Variants in DRC7 observed in about 807,000 individuals in gnomAD.
DRC7 encodes dynein regulatory complex subunit 7.
A neutral mutation model predicts 104.4 loss-of-function variants in DRC7; 80 were observed. The observed-to-expected ratio is 0.77, with a 90% CI of 0.64 to 0.92. DRC7 has a LOEUF of 0.92. DRC7 is among the 40% of genes least tolerant of loss of function. The probability of loss-of-function intolerance (pLI) is 0.00; values close to 1 mark genes in which losing one functional copy is unlikely to be tolerated. For missense variants in DRC7, 1,034 were observed against 1,141.1 expected (o/e 0.91, Z 1.35); for synonymous variants, 405 against 447.3 (o/e 0.91, Z 1.19).
chr16:57,705,757 C>CCCATCCCTCCTCCCCT, intron 7 of DRC7, among the ~76,000 whole-genome samples: 1 of 56,018 alleles, frequency 1.8e-5, no homozygotes, highest in African/African-American at 1.1e-4. Context: ...GATCTCTCCT[C>CCCATCCCTCCTCCCCT]CCATCCATCC....
chr16:57,705,566 A>C (rs1305682767), intron 7 of DRC7, among the ~76,000 whole-genome samples: 26 of 68,494 alleles, frequency 3.8e-4, no homozygotes, highest in Admixed American at 6.6e-4. Context: ...CCTCCCACCC[A>C]CCTCCCATCC....
chr16:57,716,635 C>T (rs950933058), intron 8 of DRC7, among the ~76,000 whole-genome samples: 3 of 152,098 alleles, frequency 2.0e-5, no homozygotes, highest in Admixed American at 1.3e-4. Context: ...CTCTGCTGTG[C>T]CCCCCACTTC....
Position 57,705,050 on chromosome 16 carries a change from T to C in DRC7, c.858+16T>C. On this transcript the variant is annotated intron_variant, in intron 7 of 18. Transcript: ENST00000360716. ...GCGCCTCATGGTGGGTCCTCAGCCCTGAATCCCCTGGGCTCAGCTATCGAG... is the reference window on the plus strand; with the variant it reads ...GCGCCTCATGGTGGGTCCTCAGCCCCGAATCCCCTGGGCTCAGCTATCGAG... 2 of 1,608,786 alleles carry C rather than the reference T, an allele frequency of 1.2e-6. No homozygotes were observed. Among genetic ancestry groups the C allele is most frequent in the South Asian group, 1.1e-5 (1 of 90,728 alleles).
At chr16:57,718,741 T>C (rs1310100480) in intron 9 of DRC7, among the ~76,000 whole-genome samples, 1 of 152,134 alleles carries the variant, frequency 6.6e-6, no homozygotes, top group Non-Finnish European at 1.5e-5. Flanking sequence ...CCCCATATCG[T>C]CCACCTTGTT....
chr16:57,705,196 C>T (rs1421721261), intron 7 of DRC7, among the ~76,000 whole-genome samples, 162 bp downstream of exon 7: 1 of 152,058 alleles, frequency 6.6e-6, no homozygotes, highest in Admixed American at 6.6e-5. Context: ...AGGAATCTCC[C>T]ACTGGTGGTC....
At chr16:57,727,962 CCT>C (rs1416819188) in intron 16 of DRC7, among the ~76,000 whole-genome samples, 27 of 152,270 alleles carry the variant, frequency 1.8e-4, no homozygotes, top group Middle Eastern at 3.4e-3. Flanking sequence ...TTCACTGCCC[CCT>C]GTCTGCAGAT....
At chr16:57,708,583 T>C (rs962575043) in intron 8 of DRC7, among the ~76,000 whole-genome samples, 1 of 152,236 alleles carries the variant, frequency 6.6e-6, no homozygotes, top group African/African-American at 2.4e-5. Context: ...TATATTTCAG[T>C]GAACACATAC....
rs1387949769 is a variant in DRC7, at chr16:57,724,724, A to G, written c.1647A>G (p.Thr549=). 1 of 1,613,936 alleles carries G rather than the reference A, an allele frequency of 6.2e-7. No homozygotes were observed. Among genetic ancestry groups the G allele is most frequent in the Non-Finnish European group, 8.5e-7 (1 of 1,180,012 alleles). Residue 549 remains threonine (T), a synonymous_variant, in exon 13 of 19, where the codon ACA becomes ACG. Transcript: ENST00000360716. The stretch of plus-strand genomic sequence containing the variant: ...GGGAGGAGACACCCAGGACAATGAC[A>G]GAGTACTATCAAGGACGCCCAGACT... ...MKREETPRTM[T]EYYQGRPDFL...
intron 7 of DRC7, among the ~76,000 whole-genome samples, chr16:57,705,852 A>C (rs1597797352): frequency 9.0e-6 from 1 of 111,542 alleles, no homozygotes; most frequent in Non-Finnish European, 1.8e-5. Flanking sequence ...CCATCTATCC[A>C]CCCTCCTACC....
rs368993624 is a variant in DRC7, at chr16:57,705,025, G to C, written c.849G>C (p.Glu283Asp). Residue 283 changes from glutamate (E) to aspartate (D), a missense_variant, in exon 7 of 19, where the codon GAG (glutamate) becomes GAC (aspartate). By Grantham distance (45) the Glu-to-Asp change is conservative. Transcript: ENST00000360716. ...QEKKRLREEE[E>D]RLMEAEKAKP... ...AGAAGCGGCTGAGGGAGGAGGAGGA[G>C]CGCCTCATGGTGGGTCCTCAGCCCT... 14 of 1,611,890 alleles carry C rather than the reference G, an allele frequency of 8.7e-6. No homozygotes were observed. In the African/African-American group the frequency reaches 1.7e-4, roughly 20 times the overall value.
intron 8 of DRC7, among the ~76,000 whole-genome samples, chr16:57,716,906 G>A (rs1187321175): frequency 6.6e-6 from 1 of 152,100 alleles, no homozygotes; most frequent in African/African-American, 2.4e-5. Context: ...CACTTTTATT[G>A]AGGGGACTGA....
intron 17 of DRC7, among the ~76,000 whole-genome samples, chr16:57,729,245 A>G (rs1161593981): frequency 4.3e-4 from 37 of 85,796 alleles, no homozygotes; most frequent in African/African-American, 7.1e-4. Flanking sequence ...TGGATAGATG[A>G]GTGGGTGGGT....
At position 57,724,734 on chromosome 16, in the gene DRC7, C is replaced by T. The variant is rs1597810588; in HGVS notation, c.1657C>T (p.Gln553Ter). The change falls in exon 13 of 19, where the codon CAA becomes TAA. Residue 553 changes from glutamine (Q) to a stop codon, truncating the protein, a stop_gained. Transcript: ENST00000360716. LOFTEE classifies it high-confidence loss of function. ...ETPRTMTEYY[Q>*]GRPDFLSYRH... is the part of the protein sequence containing the mutation. ...ACCCAGGACAATGACAGAGTACTATCAAGGACGCCCAGACTTCCTCTCCTA... is the reference window on the plus strand; with the variant it reads ...ACCCAGGACAATGACAGAGTACTATTAAGGACGCCCAGACTTCCTCTCCTA... 6.2e-7 allele frequency: 1 copy of T among 1,613,906 alleles called. No homozygotes were observed. Among genetic ancestry groups the T allele is most frequent in the South Asian group, 1.1e-5 (1 of 91,078 alleles).
intron 5 of DRC7, 79 bp downstream of exon 5, chr16:57,700,349 C>G (rs2148731396): frequency 2.6e-6 from 4 of 1,526,178 alleles, no homozygotes; most frequent in Middle Eastern, 1.8e-4. Flanking sequence ...CCATCCAAAC[C>G]CAAAGAATGG....
intron 8 of DRC7, chr16:57,714,055 T>C: frequency 4.6e-6 from 1 of 217,128 alleles, no homozygotes; most frequent in South Asian, 6.7e-5. Context: ...GAAAGCTGTC[T>C]CATCTTCCTT....
At chr16:57,706,399 C>A (rs1487046664) in intron 7 of DRC7, among the ~76,000 whole-genome samples, 1 of 145,636 alleles carries the variant, frequency 6.9e-6, no homozygotes, top group African/African-American at 2.6e-5. Context: ...ACCCACTGTT[C>A]TCCCATCCAT....
intron 6 of DRC7, among the ~76,000 whole-genome samples, chr16:57,704,007 C>T (rs983091922): frequency 5.3e-5 from 8 of 150,532 alleles, no homozygotes; most frequent in Admixed American, 4.0e-4. Flanking sequence ...GAGCTCCCAC[C>T]CGGGCATCTC....
intron 4 of DRC7, 107 bp downstream of exon 4, chr16:57,699,131 C>G: frequency 1.5e-6 from 2 of 1,336,856 alleles, no homozygotes; most frequent in Non-Finnish European, 2.1e-6. Flanking sequence ...AATCACGGAC[C>G]TCCTGTGGGC....
chr16:57,697,996 G>A lies in DRC7; in HGVS notation c.47G>A (p.Arg16Gln), dbSNP rs752118158. The A allele has an allele frequency of 3.0e-5, 48 of 1,613,622 alleles. No homozygotes were observed. The highest frequency in any genetic ancestry group is 3.5e-4 in the Middle Eastern group (2 of 5,710). The change falls in exon 3 of 19, where the codon CGG becomes CAG. Residue 16 changes from arginine (R) to glutamine (Q), a missense_variant. Transcript: ENST00000360716. ...GTGGAGGAGGAGGAGGAGGCCGAGCGGGAGGAGGCGGCCGAGTGGGCTGAA... is the reference window on the plus strand; with the variant it reads ...GTGGAGGAGGAGGAGGAGGCCGAGCAGGAGGAGGCGGCCGAGTGGGCTGAA... ...EKVEEEEEAE[R>Q]EEAAEWAEWA...
Sources: gnomAD v4.1 joint callset for allele counts (sites outside exome capture counted in the v4.1 genomes callset) on GRCh38, gnomAD v4.1.1 for gene constraint, MANE v1.5 for transcripts, NCBI Gene and HGNC (gene_info 2026-07-23, HGNC 2026-07-21) for gene names.